Variants in PLCXD1 observed in about 807,000 individuals in gnomAD.
The protein encoded by PLCXD1 is phosphatidylinositol specific phospholipase C X domain containing 1, also known as PI-PLC X domain-containing protein 1.
In PLCXD1, 45 loss-of-function variants were observed where a neutral mutation model predicts 37.8. That is an observed-to-expected ratio of 1.19 (90% confidence interval 0.94 to 1.53). The LOEUF (loss-of-function observed/expected upper bound fraction) is 1.53. PLCXD1 is among the 40% of genes most tolerant of loss of function. PLCXD1 has a pLI of 0.00. For synonymous variants in PLCXD1, 246 were observed against 206.9 expected (o/e 1.19, Z -1.62); for missense variants, 539 against 454.7 (o/e 1.19, Z -1.69).
rs552913512 is a variant in PLCXD1, at chrX:289,308, T to C, written c.264+439T>C. 2.8e-4 allele frequency among the ~76,000 whole-genome samples: 43 copies of C among 151,966 alleles called. No individual in the cohort carries two copies. The South Asian group carries it at 4.0e-3, about 14-fold the overall frequency. On this transcript the variant is annotated intron_variant, in intron 3 of 6. Coordinates refer to ENST00000381657, the MANE Select transcript of PLCXD1 (RefSeq NM_018390.4). ...TTTACCGTGTTAGTCAGGATGGTCTTGATCTCCTGACCTCATGATCTGCCC... is the reference window on the plus strand; with the variant it reads ...TTTACCGTGTTAGTCAGGATGGTCTCGATCTCCTGACCTCATGATCTGCCC...
chrX:291,391 C>T, intron 4 of PLCXD1, 108 bp from the exon 5 acceptor site: 6 of 1,245,492 alleles, frequency 4.8e-6, no homozygotes, highest in Non-Finnish European at 7.0e-6. Context: ...GGTGATCCAC[C>T]CGCCTCGGCC....
chrX:287,444 C>CTG (rs1569564450), intron 2 of PLCXD1, among the ~76,000 whole-genome samples: 3 of 126,326 alleles, frequency 2.4e-5, no homozygotes, highest in Non-Finnish European at 4.8e-5. Flanking sequence ...TATATATACA[C>CTG]TATATATGTT....
chrX:287,437 ATATACACTATATAT>A (rs1376492943), intron 2 of PLCXD1, among the ~76,000 whole-genome samples: 1 of 137,808 alleles, frequency 7.3e-6, no homozygotes, highest in Non-Finnish European at 1.5e-5. Flanking sequence ...ATATAGATAT[ATATACACTATATAT>A]GTTTATATAT....
chrX:293,693 A>T (rs941800136), intron 6 of PLCXD1, among the ~76,000 whole-genome samples: 13 of 152,322 alleles, frequency 8.5e-5, no homozygotes, highest in African/African-American at 3.1e-4. Flanking sequence ...TTACACAGCC[A>T]TGAAAAAGAA....
chrX:287,569 T>G (rs1265628909), intron 2 of PLCXD1, among the ~76,000 whole-genome samples: 2 of 95,392 alleles, frequency 2.1e-5, no homozygotes, highest in African/African-American at 4.7e-5. Context: ...CTATATATGT[T>G]TATATATAGA....
At chrX:294,254 G>A (rs184894389) in intron 6 of PLCXD1, among the ~76,000 whole-genome samples, 18 of 152,092 alleles carry the variant, frequency 1.2e-4, no homozygotes, top group East Asian at 3.9e-4. Flanking sequence ...AGGCCGAGGC[G>A]GGCGGATCAT....
chrX:296,398 C>T lies in PLCXD1; in HGVS notation c.734-2699C>T, dbSNP rs753157324. Among the ~76,000 whole-genome samples, 7 of 152,284 alleles carry T rather than the reference C, an allele frequency of 4.6e-5. No individual in the cohort carries two copies. In the East Asian group the frequency reaches 1.3e-3, roughly 29 times the overall value. On this transcript the variant is annotated intron_variant, in intron 6 of 6. Transcript: ENST00000381657. Reference sequence around the variant, plus strand: ...TCAACCTCTCAACGTGCTGGGATGACAGGCATGAGCCACCGTGCCCAGCCT... The same window carrying T: ...TCAACCTCTCAACGTGCTGGGATGATAGGCATGAGCCACCGTGCCCAGCCT...
At chrX:278,957 G>A (rs192649164), upstream of PLCXD1, among the ~76,000 whole-genome samples, 100 of 152,258 alleles carry the variant, frequency 6.6e-4, 1 homozygote, top group Non-Finnish European at 4.6e-4. Context: ...TTGTGTGAGC[G>A]ATAAAGCGGT....
At chrX:278,705 C>G (rs1220811334), upstream of PLCXD1, among the ~76,000 whole-genome samples, 1 of 146,016 alleles carries the variant, frequency 6.8e-6, no homozygotes, top group Non-Finnish European at 1.5e-5. Flanking sequence ...CACCACTGCA[C>G]TCCAGCCTGG....
At chrX:294,352 G>C (rs780802596) in intron 6 of PLCXD1, among the ~76,000 whole-genome samples, 3 of 151,932 alleles carry the variant, frequency 2.0e-5, no homozygotes, top group African/African-American at 7.3e-5. Flanking sequence ...CGTGGTGGCG[G>C]GCGCCTGTAA....
At chrX:283,469 C>G (rs1385578216) in intron 1 of PLCXD1, 2 of 152,006 alleles carry the variant, frequency 1.3e-5, no homozygotes, top group East Asian at 3.9e-4. Flanking sequence ...CCGCCCACCC[C>G]AGTTCCGTAA....
At chrX:294,204 C>T (rs756200645) in intron 6 of PLCXD1, among the ~76,000 whole-genome samples, 15 of 152,280 alleles carry the variant, frequency 9.9e-5, no homozygotes, top group South Asian at 2.1e-4. Context: ...GGGCACAGGC[C>T]GGGCGCGGTG....
chrX:283,891 CT>C, intron 1 of PLCXD1: 2 of 187,880 alleles, frequency 1.1e-5, no homozygotes, highest in Admixed American at 6.7e-5. Context: ...TTTTTTTTTT[CT>C]TTTTTGGATA....
chrX:279,880 C>T (rs759958161), upstream of PLCXD1, among the ~76,000 whole-genome samples: 2 of 152,176 alleles, frequency 1.3e-5, no homozygotes, highest in East Asian at 3.9e-4. Flanking sequence ...ACGGGAGTCT[C>T]ACTCTGTCTC....
In PLCXD1 at chrX:299,276, G is replaced by A. The variant is rs749474078; in HGVS notation, c.913G>A (p.Gly305Ser). 8.1e-6 allele frequency: 13 copies of A among 1,613,772 alleles called. No individual in the cohort carries two copies. The highest frequency in any genetic ancestry group is 2.2e-5 in the South Asian group (2 of 91,076). Residue 305 changes from glycine (G) to serine (S), a missense_variant, in exon 7 of 7, where the codon GGC becomes AGC. Coordinates refer to ENST00000381657, the MANE Select transcript of PLCXD1 (RefSeq NM_018390.4). ...CAACATCATCGCGGGGGACTTCATC[G>A]GCGCAGACGGCTTCGTCAGTGACGT... Reference protein sequence around the residue: ...CTNIIAGDFIGADGFVSDVIA... With the variant: ...CTNIIAGDFISADGFVSDVIA...
chrX:287,666 A>G lies in PLCXD1; in HGVS notation c.128-1067A>G, dbSNP rs1268825650. 2.2e-5 allele frequency among the ~76,000 whole-genome samples: 3 copies of G among 139,262 alleles called. 1 individual carries two copies. The highest frequency in any genetic ancestry group is 7.8e-5 in the African/African-American group (3 of 38,580). The allele number at this position is 139,262 out of a possible 152,430, so 91.4% of individuals were successfully genotyped here. On this transcript the variant is annotated intron_variant, in intron 2 of 6. Coordinates refer to ENST00000381657, the MANE Select transcript of PLCXD1 (RefSeq NM_018390.4). ...AGATACTATATATGTTTATGGATAT[A>G]GATACTATATATCTTTGTTTATAGA...
Position 293,946 on chromosome X carries a change from A to G in PLCXD1, c.733+728A>G, listed in dbSNP as rs145039961. On this transcript the variant is annotated intron_variant, in intron 6 of 6. Transcript: ENST00000381657. ...CGATGAGAATGTTCTGGAACTAGGG[A>G]GAGGTCGGAGTTGCACAACGTGAAT... Among the ~76,000 whole-genome samples, 672 of 152,276 alleles carry G rather than the reference A, an allele frequency of 4.4e-3. 7 individuals carry two copies. Among genetic ancestry groups the G allele is most frequent in the African/African-American group, 0.015 (614 of 41,554 alleles).
intron 6 of PLCXD1, among the ~76,000 whole-genome samples, chrX:296,743 G>T (rs1393112411): frequency 6.6e-6 from 1 of 152,182 alleles, no homozygotes; most frequent in Non-Finnish European, 1.5e-5. Flanking sequence ...TCACATGGGG[G>T]ATAAGAATGT....
chrX:280,068 C>T (rs1183617637), upstream of PLCXD1, among the ~76,000 whole-genome samples: 1 of 152,176 alleles, frequency 6.6e-6, no homozygotes, highest in Non-Finnish European at 1.5e-5. Context: ...AGGCCGGTTT[C>T]GAACTCCTGA....
Sources: allele counts gnomAD v4.1 joint callset (sites outside exome capture counted in the v4.1 genomes callset), GRCh38; gene constraint gnomAD v4.1.1; transcripts MANE v1.5; gene names NCBI Gene and HGNC (gene_info 2026-07-23, HGNC 2026-07-21).